CDK5RAP1: variants seen among roughly 807,000 people sequenced by gnomAD.
CDK5RAP1 encodes the protein CDK5RAP1 mitochondrial tRNA methylthiotransferase, also known as mitochondrial tRNA methylthiotransferase CDK5RAP1.
In CDK5RAP1, 62 loss-of-function variants were observed where a neutral mutation model predicts 64.5. The observed-to-expected ratio is 0.96, with a 90% CI of 0.78 to 1.19. CDK5RAP1 has a LOEUF of 1.19. Among genes scored for constraint, CDK5RAP1 ranks in the 50% most tolerant of loss-of-function variants. The pLI is 0.00. For missense variants in CDK5RAP1, 657 were observed against 735.0 expected, an observed-to-expected ratio of 0.89 and a Z score of 1.23; for synonymous variants, 250 against 261.9, an observed-to-expected ratio of 0.95 and a Z score of 0.44.
intron 1 of CDK5RAP1, among the ~76,000 whole-genome samples, chr20:33,399,943 C>T (rs1989245084): frequency 1.3e-5 from 2 of 152,054 alleles, no homozygotes; most frequent in Non-Finnish European, 2.9e-5. Flanking sequence ...ACTTGGGAAG[C>T]TGAGGTAGGA....
intron 2 of CDK5RAP1, 25 bp downstream of exon 2, chr20:33,396,736 A>T: frequency 3.8e-6 from 6 of 1,567,102 alleles, no homozygotes; most frequent in Non-Finnish European, 5.2e-6. Context: ...AGGAAGCCCA[A>T]AGGGATAAGC....
chr20:33,385,708 C>T lies in CDK5RAP1; in HGVS notation c.818G>A (p.Arg273Lys), dbSNP rs752515112. 9.3e-6 allele frequency: 15 copies of T among 1,614,178 alleles called. No individual in the cohort carries two copies. The East Asian group carries it at 2.9e-4, about 31-fold the overall frequency. ...SYCIVPFTRG[R>K]ERSRPIASIL... ...GGAGGCAATAGGCCGACTCCTCTCC[C>T]TGCCCCGGGTGAAAGGAACAATGCA... The change falls in exon 7 of 14, where the codon AGG (arginine) becomes AAG (lysine). Residue 273 changes from arginine (R) to lysine (K), a missense_variant. Arg to Lys is a conservative substitution (Grantham distance 26). Coordinates refer to ENST00000346416, the MANE Select transcript of CDK5RAP1 (RefSeq NM_016408.4).
intron 2 of CDK5RAP1, among the ~76,000 whole-genome samples, chr20:33,395,767 C>A (rs1988844207): frequency 6.6e-6 from 1 of 152,190 alleles, no homozygotes; most frequent in African/African-American, 2.4e-5. Context: ...AATCCCAGCA[C>A]TTTGGGAGGC....
intron 7 of CDK5RAP1, chr20:33,383,492 C>T (rs1987024653): frequency 6.6e-6 from 1 of 152,146 alleles, no homozygotes; most frequent in African/African-American, 2.4e-5. Context: ...GTAATCCCAA[C>T]ACTTTGGGAG....
chr20:33,387,586 T>C, intron 5 of CDK5RAP1, 53 bp from the exon 6 acceptor site: 1 of 1,411,964 alleles, frequency 7.1e-7, no homozygotes. Flanking sequence ...TGGTGTTTAA[T>C]GGCTTCTTCT....
chr20:33,379,606 G>A lies in CDK5RAP1; in HGVS notation c.962C>T (p.Thr321Ile). Reference sequence around the variant, plus strand: ...GGTGGTAAAGCCACGACTGAGATTGGTAGGCACTGCACTGTTGAACTGGAC... The same window carrying A: ...GGTGGTAAAGCCACGACTGAGATTGATAGGCACTGCACTGTTGAACTGGAC... Reference protein sequence around the residue: ...SEVQFNSAVPTNLSRGFTTNY... With the variant: ...SEVQFNSAVPINLSRGFTTNY... The change falls in exon 8 of 14, where the codon ACC becomes ATC. Residue 321 changes from threonine to isoleucine, a missense_variant. Transcript: ENST00000346416. The A allele has an allele frequency of 1.2e-6, 2 of 1,614,026 alleles. No individual in the cohort carries two copies. Among genetic ancestry groups the A allele is most frequent in the Non-Finnish European group, 1.7e-6 (2 of 1,179,940 alleles).
At chr20:33,378,287 G>A (rs1266557076) in intron 8 of CDK5RAP1, among the ~76,000 whole-genome samples, 2 of 152,262 alleles carry the variant, frequency 1.3e-5, no homozygotes, top group East Asian at 3.9e-4. Flanking sequence ...AGAGAGATGG[G>A]GGAATGGCCG....
chr20:33,395,158 C>T lies in CDK5RAP1; in HGVS notation c.305-42G>A, dbSNP rs377297199. The T allele has an allele frequency of 1.6e-5, 19 of 1,159,818 alleles. No homozygotes were observed. In the East Asian group the frequency reaches 4.2e-4, roughly 26 times the overall value. 71.8% of individuals were successfully genotyped at this position (1,159,818 alleles called of 1,614,324 possible). A position where few individuals can be genotyped will look rare whatever the true frequency, so the allele number is the denominator to read the frequency against. On this transcript the variant is annotated intron_variant, in intron 2 of 13. Coordinates refer to ENST00000346416, the MANE Select transcript of CDK5RAP1 (RefSeq NM_016408.4). ...GGGGGAATCCATGGTAGACAGACAA[C>T]AAGGGGTCTCGTGTCTCAAAAGGTC...
chr20:33,366,197 C>T (rs1410183381), intron 12 of CDK5RAP1, among the ~76,000 whole-genome samples: 1 of 151,014 alleles, frequency 6.6e-6, no homozygotes, highest in African/African-American at 2.4e-5. Context: ...TGGGTGCCTG[C>T]AATCCCAGCT....
chr20:33,365,226 G>T (rs149683636), intron 12 of CDK5RAP1, among the ~76,000 whole-genome samples: 3 of 151,914 alleles, frequency 2.0e-5, no homozygotes, highest in Non-Finnish European at 2.9e-5. Context: ...TGGTTAATAG[G>T]TATGCCAGCA....
chr20:33,359,995 A>G, intron 13 of CDK5RAP1: 1 of 205,000 alleles, frequency 4.9e-6, no homozygotes, highest in East Asian at 1.3e-4. Flanking sequence ...AAGAGGCCTG[A>G]GCCGTCAGAG....
At position 33,358,906 on chromosome 20, in the gene CDK5RAP1, T is replaced by C. The variant is rs1982396701; in HGVS notation, c.*137A>G. Reference sequence around the variant, plus strand: ...CACATAGCAGCTTTAAAGAGACACGTTTTCCACTGACATAAAGTTGCTTCG... The same window carrying C: ...CACATAGCAGCTTTAAAGAGACACGCTTTCCACTGACATAAAGTTGCTTCG... On this transcript the variant is annotated 3_prime_UTR_variant, in exon 14 of 14. Coordinates refer to ENST00000346416, the MANE Select transcript of CDK5RAP1 (RefSeq NM_016408.4). 3.1e-6 allele frequency: 2 copies of C among 652,998 alleles called. No homozygotes were observed. The allele number at this position is 652,998 out of a possible 1,614,324, so 40.5% of individuals were successfully genotyped here. A position where few individuals can be genotyped will look rare whatever the true frequency, so the allele number is the denominator to read the frequency against.
At chr20:33,361,299 G>A (rs768832720) in intron 12 of CDK5RAP1, among the ~76,000 whole-genome samples, 1 of 152,208 alleles carries the variant, frequency 6.6e-6, no homozygotes, top group African/African-American at 2.4e-5. Context: ...TGTTCAGGGA[G>A]ACTGAAATAG....
intron 5 of CDK5RAP1, 138 bp downstream of exon 5, chr20:33,392,004 C>A: frequency 1.6e-6 from 1 of 624,526 alleles, no homozygotes. Flanking sequence ...TCACCTCTGG[C>A]AGTAAGTACA....
At position 33,379,631 on chromosome 20, in the gene CDK5RAP1, C is replaced by A; in HGVS notation, c.937G>T (p.Val313Phe). The A allele has an allele frequency of 1.2e-6, 2 of 1,614,074 alleles. No individual in the cohort carries two copies. Among genetic ancestry groups the A allele is most frequent in the Non-Finnish European group, 1.7e-6 (2 of 1,180,008 alleles). Residue 313 changes from valine to phenylalanine, a missense_variant, in exon 8 of 14, where the codon GTC becomes TTC. Val to Phe is a conservative substitution (Grantham distance 50, BLOSUM62 -1). Transcript: ENST00000346416. Reference sequence around the variant, plus strand: ...GTAGGCACTGCACTGTTGAACTGGACCTCCGAATTGTCCCGAAAACTATTA... The same window carrying A: ...GTAGGCACTGCACTGTTGAACTGGAACTCCGAATTGTCCCGAAAACTATTA... ...NVNSFRDNSE[V>F]QFNSAVPTNL...
Position 33,389,299 on chromosome 20 carries a change from G to A in CDK5RAP1, c.545-1766C>T, listed in dbSNP as rs867325030. Among the ~76,000 whole-genome samples, 1,383 of 147,128 alleles carry A rather than the reference G, an allele frequency of 9.4e-3. 14 individuals are homozygous for A. Among genetic ancestry groups the A allele is most frequent in the African/African-American group, 0.032 (1,269 of 39,538 alleles). ...CGACCCCGTCTGGGAGGTGAGGAGC[G>A]TCTCTGCCCGGCCGCCCCGTCTGAG... On this transcript the variant is annotated intron_variant, in intron 5 of 13. Transcript: ENST00000346416.
At chr20:33,365,036 GCAC>G (rs1376791412) in intron 12 of CDK5RAP1, among the ~76,000 whole-genome samples, 1 of 152,038 alleles carries the variant, frequency 6.6e-6, no homozygotes, top group Non-Finnish European at 1.5e-5. Flanking sequence ...CTACAGGTGT[GCAC>G]CACCACACCT....
At chr20:33,387,085 G>T (rs1310025594) in intron 6 of CDK5RAP1, among the ~76,000 whole-genome samples, 2 of 151,926 alleles carry the variant, frequency 1.3e-5, no homozygotes, top group South Asian at 4.2e-4. Context: ...GCAATATAGT[G>T]AGACCCTATC....
intron 8 of CDK5RAP1, among the ~76,000 whole-genome samples, chr20:33,376,382 G>A (rs184450536): frequency 1.3e-5 from 2 of 152,172 alleles, no homozygotes; most frequent in African/African-American, 2.4e-5. Flanking sequence ...TGCTGCCTGG[G>A]CTGGTGTCCA....
Sources: allele counts gnomAD v4.1 joint callset (sites outside exome capture counted in the v4.1 genomes callset), GRCh38; gene constraint gnomAD v4.1.1; transcripts MANE v1.5; gene names NCBI Gene and HGNC (gene_info 2026-07-23, HGNC 2026-07-21).